Variants in GABPB2 observed in about 807,000 individuals in gnomAD.
GABPB2 encodes the protein GA binding protein transcription factor subunit beta 2.
In GABPB2, 23 loss-of-function variants were observed where a neutral mutation model predicts 39.1. That is an observed-to-expected ratio of 0.59 (90% CI 0.42 to 0.83). The LOEUF (loss-of-function observed/expected upper bound fraction) is 0.83, where lower values mean the gene tolerates loss of function less well. Ranked by LOEUF, GABPB2 falls within the 40% of genes least tolerant of loss-of-function variation. The pLI, the probability that GABPB2 is intolerant of heterozygous loss-of-function variation, is 0.00. For missense variants in GABPB2, 467 were observed against 541.1 expected, an observed-to-expected ratio of 0.86 and a Z score of 1.36; for synonymous variants, 184 against 199.3, an observed-to-expected ratio of 0.92 and a Z score of 0.65.
intron 7 of GABPB2, chr1:151,112,743 T>G (rs141585531): frequency 5.0e-4 from 97 of 192,848 alleles, no homozygotes; most frequent in African/African-American, 2.2e-3. Flanking sequence ...CTCTCAAGAG[T>G]GCAACGAGGT....
intron 4 of GABPB2, among the ~76,000 whole-genome samples, chr1:151,096,386 G>A (rs1397710724): frequency 6.6e-6 from 1 of 152,096 alleles, no homozygotes; most frequent in Non-Finnish European, 1.5e-5. Flanking sequence ...CTGCACTCCA[G>A]CCTGGGCGAC....
intron 5 of GABPB2, among the ~76,000 whole-genome samples, chr1:151,100,020 T>A (rs917583368): frequency 3.9e-5 from 6 of 152,206 alleles, no homozygotes; most frequent in Admixed American, 3.3e-4. Flanking sequence ...CAACAGTTAT[T>A]TAAAATAATT....
At chr1:151,095,570 T>A (rs1028517350) in intron 4 of GABPB2, among the ~76,000 whole-genome samples, 1 of 152,168 alleles carries the variant, frequency 6.6e-6, no homozygotes, top group African/African-American at 2.4e-5. Flanking sequence ...AAGGAAGTGC[T>A]ACTATTTCGC....
chr1:151,088,988 C>CA lies in GABPB2; in HGVS notation c.108+704dup, dbSNP rs10709126. On this transcript the variant is annotated intron_variant, in intron 2 of 8. Coordinates refer to ENST00000368918, the MANE Select transcript of GABPB2 (RefSeq NM_144618.3). The stretch of plus-strand genomic sequence containing the variant: ...GCACTACAGCTTGGAAACTCTGTTT[C>CA]AAAAAAAAAAAAAGAAGTCATCTAG... Among the ~76,000 whole-genome samples, 312 of 144,650 alleles carry CA rather than the reference C, an allele frequency of 2.2e-3. 2 individuals carry two copies. Among genetic ancestry groups the CA allele is most frequent in the Middle Eastern group, 0.01 (3 of 288 alleles). 94.9% of individuals were successfully genotyped at this position (144,650 alleles called of 152,430 possible). A position where few individuals can be genotyped will look rare whatever the true frequency, so the allele number is the denominator to read the frequency against.
Position 151,093,292 on chromosome 1 carries a change from AT to A in GABPB2, c.378del (p.Tyr126Ter). ...GATGTCGTAGAGTTACTTATCAAATATGGAGCTGATGTCCATGCTTTCAGCA... is the reference window on the plus strand; with the variant it reads ...GATGTCGTAGAGTTACTTATCAAATAGGAGCTGATGTCCATGCTTTCAGCA... ...HRDVVELLIK[Y>X]GADVHAFSKF... On this transcript the variant is annotated frameshift_variant, in exon 4 of 9. Coordinates refer to ENST00000368918, the MANE Select transcript of GABPB2 (RefSeq NM_144618.3). LOFTEE classifies it high-confidence loss of function. 6.2e-7 allele frequency: 1 copy of A among 1,613,118 alleles called. No homozygotes were observed. Among genetic ancestry groups the A allele is most frequent in the Non-Finnish European group, 8.5e-7 (1 of 1,179,668 alleles).
In GABPB2 at chr1:151,093,963, G is replaced by A. The variant is rs587699568; in HGVS notation, c.471+577G>A. 2.0e-5 allele frequency among the ~76,000 whole-genome samples: 3 copies of A among 151,634 alleles called. No individual in the cohort carries two copies. The South Asian group carries it at 6.3e-4, about 32-fold the overall frequency. The stretch of plus-strand genomic sequence containing the variant: ...GTAAGTTGAACCCTTGTAAATTGGG[G>A]ACTATCTATGAAGCTCTAAAGCATA... On this transcript the variant is annotated intron_variant, in intron 4 of 8. Coordinates refer to ENST00000368918, the MANE Select transcript of GABPB2 (RefSeq NM_144618.3).
At chr1:151,088,015 C>G in intron 1 of GABPB2, 175 bp from the exon 2 acceptor site, 1 of 554,268 alleles carries the variant, frequency 1.8e-6, no homozygotes, top group Non-Finnish European at 3.3e-6. Flanking sequence ...GAAACATTCC[C>G]AAATATTTTA....
chr1:151,084,210 C>T lies in GABPB2; in HGVS notation c.1-3980C>T, dbSNP rs1179182418. Among the ~76,000 whole-genome samples, 9 of 151,658 alleles carry T rather than the reference C, an allele frequency of 5.9e-5. No homozygotes were observed. The South Asian group carries it at 1.9e-3, about 32-fold the overall frequency. On this transcript the variant is annotated intron_variant, in intron 1 of 8. Transcript: ENST00000368918. ...TGCAGGCGTGAGCCACTGTGCCCAG[C>T]TGTTTTTTTTTGTTTGTTTGTTTTG...
chr1:151,093,359 C>T lies in GABPB2; in HGVS notation c.444C>T (p.Asn148=). 1 of 1,601,948 alleles carries T rather than the reference C, an allele frequency of 6.2e-7. No homozygotes were observed. The highest frequency in any genetic ancestry group is 8.5e-7 in the Non-Finnish European group (1 of 1,174,900). ...CCTTTGACATAGCTCTGGAGAAAAA[C>T]AATGCTGAGATTTTGGTCATCCTCC... is the stretch of plus-strand genomic sequence containing the variant. ...KSAFDIALEK[N]NAEILVILQE... Residue 148 remains asparagine (N), a synonymous_variant, in exon 4 of 9, where the codon AAC becomes AAT. Transcript: ENST00000368918.
chr1:151,121,450 T>C lies in GABPB2; in HGVS notation c.*3194T>C, dbSNP rs41304271. On this transcript the variant is annotated 3_prime_UTR_variant, in exon 9 of 9. Coordinates refer to ENST00000368918, the MANE Select transcript of GABPB2 (RefSeq NM_144618.3). ...GGGTTTTCTTTTTCTTTTTCTTTTT[T>C]TTTTTGAGACGGAGTTTCACTCTTG... is the stretch of plus-strand genomic sequence containing the variant. The C allele has an allele frequency of 2.1e-4, 32 of 153,440 alleles. No homozygotes were observed. The highest frequency in any genetic ancestry group is 1.1e-3 in the East Asian group (6 of 5,258). 9.5% of individuals were successfully genotyped at this position (153,440 alleles called of 1,614,324 possible). A position where few individuals can be genotyped will look rare whatever the true frequency, so the allele number is the denominator to read the frequency against.
intron 4 of GABPB2, among the ~76,000 whole-genome samples, chr1:151,096,129 A>G (rs1679080789): frequency 6.6e-6 from 1 of 151,952 alleles, no homozygotes; most frequent in Admixed American, 6.6e-5. Context: ...ATATATGAAA[A>G]ACAGTCATTT....
At position 151,097,404 on chromosome 1, in the gene GABPB2, T is replaced by C. The variant is rs148107657; in HGVS notation, c.472-448T>C. Among the ~76,000 whole-genome samples, 1,485 of 152,196 alleles carry C rather than the reference T, an allele frequency of 9.8e-3. 9 individuals carry two copies. The highest frequency in any genetic ancestry group is 0.023 in the South Asian group (111 of 4,826). ...TGAGAACTCTGATCTCCCTGGGACATTGTGTACCGGAACTAGTTATAATTG... is the reference window on the plus strand; with the variant it reads ...TGAGAACTCTGATCTCCCTGGGACACTGTGTACCGGAACTAGTTATAATTG... On this transcript the variant is annotated intron_variant, in intron 4 of 8. Transcript: ENST00000368918.
Position 151,104,797 on chromosome 1 carries a change from C to CTT in GABPB2, c.736+1124_736+1125dup, listed in dbSNP as rs1558151426. Among the ~76,000 whole-genome samples the CTT allele has an allele frequency of 5.5e-5, 3 of 54,068 alleles. No individual in the cohort carries two copies. The Admixed American group carries it at 6.2e-4, about 11-fold the overall frequency. 35.5% of individuals were successfully genotyped at this position (54,068 alleles called of 152,430 possible). A position where few individuals can be genotyped will look rare whatever the true frequency, so the allele number is the denominator to read the frequency against. On this transcript the variant is annotated intron_variant, in intron 6 of 8. Coordinates refer to ENST00000368918, the MANE Select transcript of GABPB2 (RefSeq NM_144618.3). ...TCTCTCTTTCTTTCTTTCTTTCTTT[C>CTT]TTTCTTTTCTTTCTTTCCTTTCTTT...
intron 7 of GABPB2, 109 bp from the exon 8 acceptor site, chr1:151,117,283 T>C (rs1455843066): frequency 4.9e-6 from 6 of 1,220,900 alleles, no homozygotes; most frequent in Non-Finnish European, 5.8e-6. Flanking sequence ...CACACACCAC[T>C]GTACCCAACC....
chr1:151,094,155 G>T (rs964530861), intron 4 of GABPB2, among the ~76,000 whole-genome samples: 11 of 143,706 alleles, frequency 7.7e-5, no homozygotes, highest in African/African-American at 2.8e-4. Flanking sequence ...GGGTTTGAGG[G>T]ATTCTTCCAC....
chr1:151,107,992 C>T (rs377284401), intron 7 of GABPB2, among the ~76,000 whole-genome samples: 11 of 151,796 alleles, frequency 7.2e-5, no homozygotes, highest in African/African-American at 1.4e-4. Flanking sequence ...TCATTCATAA[C>T]GAGAAGTGCA....
At chr1:151,092,890 A>G (rs1407479901) in intron 3 of GABPB2, among the ~76,000 whole-genome samples, 1 of 152,124 alleles carries the variant, frequency 6.6e-6, no homozygotes, top group Admixed American at 6.6e-5. Flanking sequence ...CTCTGCACTT[A>G]TGCCTATTTA....
chr1:151,085,101 A>C (rs1165130003), intron 1 of GABPB2, among the ~76,000 whole-genome samples: 1 of 151,918 alleles, frequency 6.6e-6, no homozygotes, highest in Non-Finnish European at 1.5e-5. Context: ...CGTCTCAAAA[A>C]TAATAAAATA....
chr1:151,077,203 T>C (rs900716236), intron 1 of GABPB2, among the ~76,000 whole-genome samples: 4 of 152,136 alleles, frequency 2.6e-5, no homozygotes, highest in Non-Finnish European at 5.9e-5. Context: ...TAAAGCCCGT[T>C]GGGAAAACTG....
Sources: allele counts gnomAD v4.1 joint callset (sites outside exome capture counted in the v4.1 genomes callset), GRCh38; gene constraint gnomAD v4.1.1; transcripts MANE v1.5; gene names NCBI Gene and HGNC (gene_info 2026-07-23, HGNC 2026-07-21).